Variants in EYS observed in about 807,000 individuals in gnomAD.
EYS encodes the protein protein eyes shut homolog.
A neutral mutation model predicts 282.1 loss-of-function variants in EYS; 250 were observed. The observed-to-expected ratio is 0.89, with a 90% CI of 0.80 to 0.98. EYS has a LOEUF of 0.98. EYS is among the 50% of genes least tolerant of loss of function. EYS has a pLI of 0.00. For synonymous variants in EYS, 1,355 were observed against 1,282.9 expected, an observed-to-expected ratio of 1.06 and a Z score of -1.20; for missense variants, 4,016 against 3,709.0, an observed-to-expected ratio of 1.08 and a Z score of -2.15.
intron 22 of EYS, among the ~76,000 whole-genome samples, chr6:64,723,188 C>T (rs1317685590): frequency 6.6e-6 from 1 of 152,054 alleles, no homozygotes; most frequent in Non-Finnish European, 1.5e-5. Context: ...CTCTTAACAA[C>T]TTTGCCATAA....
intron 29 of EYS, among the ~76,000 whole-genome samples, chr6:64,345,094 G>T (rs1771322274): frequency 6.6e-6 from 1 of 152,136 alleles, no homozygotes; most frequent in African/African-American, 2.4e-5. Context: ...TGGGTAGGAA[G>T]ACTCAATATC....
At chr6:65,271,022 AGTTCTAAAATTGC>A (rs975738696) in intron 12 of EYS, among the ~76,000 whole-genome samples, 2 of 150,692 alleles carry the variant, frequency 1.3e-5, no homozygotes, top group African/African-American at 4.9e-5. Flanking sequence ...TCCATTATCC[AGTTCTAAAATTGC>A]TTTCACATTT....
chr6:64,136,171 T>C (rs554760065), intron 31 of EYS, among the ~76,000 whole-genome samples: 1 of 151,714 alleles, frequency 6.6e-6, no homozygotes, highest in South Asian at 2.1e-4. Flanking sequence ...CCTTGTTTGC[T>C]CTTCCTTAAG....
intron 2 of EYS, among the ~76,000 whole-genome samples, chr6:65,611,080 A>G (rs916200346): frequency 1.3e-5 from 2 of 152,030 alleles, no homozygotes; most frequent in African/African-American, 4.8e-5. Context: ...TTGATAATTT[A>G]ATAAATTAAT....
intron 22 of EYS, among the ~76,000 whole-genome samples, chr6:64,694,548 C>T (rs1397090171): frequency 6.6e-6 from 1 of 152,130 alleles, no homozygotes; most frequent in Non-Finnish European, 1.5e-5. Flanking sequence ...TTCCCAGACC[C>T]ACATGCCAAT....
intron 31 of EYS, among the ~76,000 whole-genome samples, chr6:64,087,802 A>G (rs909331139): frequency 6.6e-6 from 1 of 152,086 alleles, no homozygotes; most frequent in African/African-American, 2.4e-5. Flanking sequence ...TTGAGAAAGG[A>G]TAGTCTTTAT....
chr6:63,949,041 A>C (rs1290701028), intron 35 of EYS, among the ~76,000 whole-genome samples: 2 of 152,328 alleles, frequency 1.3e-5, no homozygotes, highest in East Asian at 3.9e-4. Flanking sequence ...ATATACAAAA[A>C]TGAGCATTTT....
intron 32 of EYS, among the ~76,000 whole-genome samples, chr6:64,073,425 AC>A (rs1340301009): frequency 6.6e-6 from 1 of 151,722 alleles, no homozygotes; most frequent in Admixed American, 6.6e-5. Flanking sequence ...GTATCATGTA[AC>A]CCTAGGATTC....
chr6:65,519,555 T>C (rs1767270457), intron 2 of EYS, among the ~76,000 whole-genome samples: 1 of 148,926 alleles, frequency 6.7e-6, no homozygotes, highest in South Asian at 2.1e-4. Context: ...AAATTAATAA[T>C]TGAATTAATG....
chr6:63,954,251 C>T (rs1765718519), intron 35 of EYS, among the ~76,000 whole-genome samples: 1 of 152,158 alleles, frequency 6.6e-6, no homozygotes, highest in Non-Finnish European at 1.5e-5. Context: ...GGCAGTTCCA[C>T]CAGGCCTAAT....
At chr6:64,323,146 T>C (rs2078591389) in intron 29 of EYS, among the ~76,000 whole-genome samples, 1 of 78,698 alleles carries the variant, frequency 1.3e-5, no homozygotes, top group South Asian at 4.4e-4. Context: ...TACAATTAAT[T>C]TTAGAATAAT....
intron 12 of EYS, among the ~76,000 whole-genome samples, chr6:65,123,088 A>G (rs976970194): frequency 6.6e-6 from 1 of 152,120 alleles, no homozygotes; most frequent in Non-Finnish European, 1.5e-5. Context: ...GGGAAACTTG[A>G]GCAACTGTAA....
At chr6:63,919,225 A>G (rs1262007626) in intron 35 of EYS, among the ~76,000 whole-genome samples, 1 of 151,632 alleles carries the variant, frequency 6.6e-6, no homozygotes, top group Non-Finnish European at 1.5e-5. Flanking sequence ...GGAAGACCAC[A>G]TGAGTAGTGG....
At chr6:64,527,279 C>T (rs1456771217) in intron 26 of EYS, among the ~76,000 whole-genome samples, 1 of 151,538 alleles carries the variant, frequency 6.6e-6, no homozygotes, top group Non-Finnish European at 1.5e-5. Flanking sequence ...TAAATAACAA[C>T]CAAAACAGGA....
At chr6:64,485,272 G>A (rs1776547618) in intron 26 of EYS, among the ~76,000 whole-genome samples, 1 of 151,548 alleles carries the variant, frequency 6.6e-6, no homozygotes, top group African/African-American at 2.4e-5. Context: ...AAAAGACAAT[G>A]TATTTAGTAG....
intron 22 of EYS, among the ~76,000 whole-genome samples, chr6:64,774,936 T>A (rs948478699): frequency 1.3e-5 from 2 of 151,996 alleles, no homozygotes; most frequent in Admixed American, 1.3e-4. Context: ...TTGCAACTAT[T>A]TCATGTTTAT....
At chr6:64,000,821 C>A (rs990579082) in intron 33 of EYS, among the ~76,000 whole-genome samples, 1 of 152,070 alleles carries the variant, frequency 6.6e-6, no homozygotes, top group Non-Finnish European at 1.5e-5. Flanking sequence ...TTACCAAGGT[C>A]ATTTCTAATT....
chr6:64,013,661 A>AC (rs532142123), intron 33 of EYS, among the ~76,000 whole-genome samples: 1 of 151,634 alleles, frequency 6.6e-6, no homozygotes, highest in Non-Finnish European at 1.5e-5. Context: ...TCACCACCCC[A>AC]CCCTTTTTTT....
chr6:64,621,434 T>G (rs777935209), intron 23 of EYS, among the ~76,000 whole-genome samples: 26 of 152,292 alleles, frequency 1.7e-4, no homozygotes, highest in Non-Finnish European at 2.9e-4. Context: ...TTGGATAACA[T>G]AAAATTATTT....
Sources: gnomAD v4.1 joint callset for allele counts (sites outside exome capture counted in the v4.1 genomes callset) on GRCh38, gnomAD v4.1.1 for gene constraint, MANE v1.5 for transcripts, NCBI Gene and HGNC (gene_info 2026-07-23, HGNC 2026-07-21) for gene names.